Variants in NINL observed in about 807,000 individuals in gnomAD.
NINL encodes ninein-like protein.
NINL carries 153 observed loss-of-function variants against 160.3 expected under a neutral mutation model. That is an observed-to-expected ratio of 0.95 (90% CI 0.84 to 1.09). The LOEUF (loss-of-function observed/expected upper bound fraction) is 1.09. Ranked by LOEUF, NINL falls within the 50% of genes least tolerant of loss-of-function variation. The pLI is 0.00. For synonymous variants in NINL, 800 were observed against 734.8 expected, an observed-to-expected ratio of 1.09 and a Z score of -1.43; for missense variants, 1,829 against 1,764.0, an observed-to-expected ratio of 1.04 and a Z score of -0.66.
chr20:25,537,624 G>C (rs2064582546), intron 1 of NINL, among the ~76,000 whole-genome samples: 1 of 152,214 alleles, frequency 6.6e-6, no homozygotes. Flanking sequence ...GCACAGCAGT[G>C]TGGCTTTCAG....
chr20:25,566,155 C>T (rs1197980756), intron 1 of NINL, among the ~76,000 whole-genome samples: 3 of 152,208 alleles, frequency 2.0e-5, no homozygotes, highest in African/African-American at 7.2e-5. Context: ...AGACAGATAC[C>T]CTGTTGGTCT....
At chr20:25,568,504 G>A (rs554314802) in intron 1 of NINL, among the ~76,000 whole-genome samples, 81 of 151,792 alleles carry the variant, frequency 5.3e-4, no homozygotes, top group East Asian at 2.2e-3. Context: ...AACCTCCTCC[G>A]CTCAAGCAAT....
intron 1 of NINL, among the ~76,000 whole-genome samples, chr20:25,541,579 A>G (rs1251079479): frequency 6.6e-6 from 1 of 152,256 alleles, no homozygotes; most frequent in African/African-American, 2.4e-5. Context: ...TTATATGTGT[A>G]TCTATATAAT....
rs1358028854 is a variant in NINL at position 25,477,066 on chromosome 20, C to T, written c.2225G>A (p.Ser742Asn). Reference protein sequence around the residue: ...QIRREAEAELSGELSGLGALP... With the variant: ...QIRREAEAELNGELSGLGALP... ...GGCTCCCAGCCCCGACAGCTCTCCACTCAGCTCCGCCTCAGCCTCTCTCCT... is the reference window on the plus strand; with the variant it reads ...GGCTCCCAGCCCCGACAGCTCTCCATTCAGCTCCGCCTCAGCCTCTCTCCT... The change falls in exon 17 of 24, where the codon AGT becomes AAT. Residue 742 changes from serine to asparagine, a missense_variant. Transcript: ENST00000278886. 1 of 1,596,978 alleles carries T rather than the reference C, an allele frequency of 6.3e-7. No individual in the cohort carries two copies. The highest frequency in any genetic ancestry group is 1.3e-5 in the African/African-American group (1 of 75,008).
chr20:25,523,720 G>A (rs1166066490), intron 2 of NINL, among the ~76,000 whole-genome samples: 5 of 152,056 alleles, frequency 3.3e-5, no homozygotes, highest in African/African-American at 7.2e-5. Flanking sequence ...TTGGCTCACC[G>A]CAACCTCCAC....
intron 19 of NINL, among the ~76,000 whole-genome samples, chr20:25,463,043 G>A (rs1036660253): frequency 6.6e-6 from 1 of 152,138 alleles, no homozygotes; most frequent in Non-Finnish European, 1.5e-5. Flanking sequence ...TGCTCCTGAG[G>A]AAATGTCTGG....
intron 18 of NINL, 88 bp from the exon 19 acceptor site, chr20:25,467,546 G>A: frequency 6.9e-6 from 7 of 1,021,364 alleles, no homozygotes; most frequent in Non-Finnish European, 1.1e-5. Flanking sequence ...AGAGCAGCAT[G>A]GGGGTTTGTA....
chr20:25,473,681 C>T (rs1438161412), intron 17 of NINL, among the ~76,000 whole-genome samples: 3 of 34,504 alleles, frequency 8.7e-5, no homozygotes, highest in Non-Finnish European at 1.7e-4. Context: ...CACATACACA[C>T]ACACACACAC....
At chr20:25,553,151 C>CTGT (rs2064825959) in intron 1 of NINL, among the ~76,000 whole-genome samples, 1 of 127,552 alleles carries the variant, frequency 7.8e-6, no homozygotes, top group Non-Finnish European at 1.6e-5. Flanking sequence ...GTGGCCCAGG[C>CTGT]TGTTATTCAC....
intron 1 of NINL, among the ~76,000 whole-genome samples, chr20:25,570,693 A>AATTTTTTT (rs1423732606): frequency 5.4e-5 from 4 of 74,126 alleles, no homozygotes; most frequent in African/African-American, 4.9e-5. Flanking sequence ...GGGCAAGTAG[A>AATTTTTTT]CTTTTTTTTT....
chr20:25,534,710 C>T (rs1249223138), intron 1 of NINL, among the ~76,000 whole-genome samples: 2 of 152,194 alleles, frequency 1.3e-5, no homozygotes, highest in African/African-American at 4.8e-5. Context: ...ACTATATGTA[C>T]TGTCATCCCT....
At position 25,476,719 on chromosome 20, in the gene NINL, G is replaced by T. The variant is rs767983846; in HGVS notation, c.2572C>A (p.Leu858Met). ...CCATCACCTGGGGCCAGCCAGGCCA[G>T]TGGCCGCTCCCCACAGCCCGGACGC... ...PLRPGCGERP[L>M]AWLAPGDGRE... Residue 858 changes from leucine to methionine, a missense_variant, in exon 17 of 24, where the codon CTG (leucine) becomes ATG (methionine). By Grantham distance (15) the Leu-to-Met change is conservative. Transcript: ENST00000278886. The T allele has an allele frequency of 1.2e-6, 2 of 1,601,522 alleles. No homozygotes were observed. Among genetic ancestry groups the T allele is most frequent in the African/African-American group, 2.7e-5 (2 of 74,856 alleles).
At chr20:25,484,263 C>G (rs1243776074) in intron 13 of NINL, among the ~76,000 whole-genome samples, 1 of 152,214 alleles carries the variant, frequency 6.6e-6, no homozygotes, top group African/African-American at 2.4e-5. Context: ...AGGTGACATA[C>G]AGTGGGGAGG....
chr20:25,460,661 G>A (rs940836405), intron 21 of NINL, among the ~76,000 whole-genome samples: 1 of 152,174 alleles, frequency 6.6e-6, no homozygotes, highest in African/African-American at 2.4e-5. Flanking sequence ...AAGAGCCTAT[G>A]GGAGCCCCAA....
intron 9 of NINL, 93 bp downstream of exon 9, chr20:25,498,117 G>A: frequency 1.4e-6 from 2 of 1,468,400 alleles, no homozygotes; most frequent in South Asian, 2.5e-5. Flanking sequence ...GGGTGGATAA[G>A]AGCTGACTGG....
At chr20:25,508,926 C>T (rs538949539) in intron 5 of NINL, among the ~76,000 whole-genome samples, 2 of 152,368 alleles carry the variant, frequency 1.3e-5, no homozygotes, top group Admixed American at 6.5e-5. Context: ...CCCCCCTGTT[C>T]TAACTTTGCC....
At chr20:25,486,680 G>A (rs2063510412) in intron 13 of NINL, among the ~76,000 whole-genome samples, 1 of 152,208 alleles carries the variant, frequency 6.6e-6, no homozygotes, top group Admixed American at 6.5e-5. Context: ...CCCAGATGGA[G>A]GCAAACCACA....
At position 25,473,749 on chromosome 20, in the gene NINL, T is replaced by A. The variant is rs2063167040; in HGVS notation, c.3248+2294A>T. Among the ~76,000 whole-genome samples, 3 of 151,260 alleles carry A rather than the reference T, an allele frequency of 2.0e-5. No homozygotes were observed. In the South Asian group the frequency reaches 6.3e-4, roughly 32 times the overall value. On this transcript the variant is annotated intron_variant, in intron 17 of 23. Coordinates refer to ENST00000278886, the MANE Select transcript of NINL (RefSeq NM_025176.6). ...TGGGCATGGTGGTGGGCACATGTAATCCCAGCTACTTGGGAGGCTGATGCA... is the reference window on the plus strand; with the variant it reads ...TGGGCATGGTGGTGGGCACATGTAAACCCAGCTACTTGGGAGGCTGATGCA...
Position 25,504,002 on chromosome 20 carries a change from G to A in NINL, c.811C>T (p.Leu271=), listed in dbSNP as rs201663340. 22 of 1,614,086 alleles carry A rather than the reference G, an allele frequency of 1.4e-5. No homozygotes were observed. In the South Asian group the frequency reaches 1.8e-4, roughly 13 times the overall value. Reference sequence around the variant, plus strand: ...GGTTTAACCCGAGTGGAAGACTCTAGAAGTAGCGCGGGCTCATGACTGAAG... The same window carrying A: ...GGTTTAACCCGAGTGGAAGACTCTAAAAGTAGCGCGGGCTCATGACTGAAG... ...GLFSHEPALL[L]ESSTRVKPSK... is the part of the protein sequence containing the mutation. Residue 271 remains leucine, a synonymous_variant, in exon 7 of 24, where the codon CTA becomes TTA. Transcript: ENST00000278886.
Sources: allele counts gnomAD v4.1 joint callset (sites outside exome capture counted in the v4.1 genomes callset), GRCh38; gene constraint gnomAD v4.1.1; transcripts MANE v1.5; gene names NCBI Gene and HGNC (gene_info 2026-07-23, HGNC 2026-07-21).